The following XKR9 variants were observed in gnomAD, a reference collection of about 807,000 sequenced individuals.
XKR9 encodes the protein XK-related protein 9.
XKR9 carries 32 observed loss-of-function variants against 32.0 expected under a neutral mutation model. The ratio of observed to expected loss-of-function variants is 1.00; its 90% confidence interval spans 0.76 to 1.34. The LOEUF (loss-of-function observed/expected upper bound fraction) is 1.34, where lower values mean the gene tolerates loss of function less well. Among genes scored for constraint, XKR9 ranks in the 40% most tolerant of loss-of-function variants. The probability of loss-of-function intolerance (pLI) is 0.00; values close to 1 mark genes in which losing one functional copy is unlikely to be tolerated. For synonymous variants in XKR9, 168 were observed against 143.4 expected, an observed-to-expected ratio of 1.17 and a Z score of -1.22; for missense variants, 546 against 429.7, an observed-to-expected ratio of 1.27 and a Z score of -2.39.
At chr8:71,046,724 C>G in the XKR9 span, among the ~76,000 whole-genome samples, 2 of 152,104 alleles carry the variant, frequency 1.3e-5, no homozygotes, top group Non-Finnish European at 2.9e-5. Flanking sequence ...CTTAAGAGAT[C>G]GACTCCTCAG....
At chr8:70,929,494 C>T in the XKR9 span, among the ~76,000 whole-genome samples, 1 of 152,156 alleles carries the variant, frequency 6.6e-6, no homozygotes, top group Non-Finnish European at 1.5e-5. Context: ...CTGCTTAGAG[C>T]CTTACAAGAC....
At chr8:71,028,109 G>A in the XKR9 span, among the ~76,000 whole-genome samples, 1 of 152,134 alleles carries the variant, frequency 6.6e-6, no homozygotes, top group Non-Finnish European at 1.5e-5. Context: ...TAATGACATT[G>A]GAATTTTGAT....
chr8:70,708,204 T>C (rs982660453), intron 4 of XKR9, among the ~76,000 whole-genome samples: 15 of 152,182 alleles, frequency 9.9e-5, no homozygotes, highest in South Asian at 4.1e-4. Flanking sequence ...GATTGGGTTC[T>C]ATATGATACG....
the XKR9 span, among the ~76,000 whole-genome samples, chr8:71,050,006 G>A: frequency 6.6e-6 from 1 of 152,012 alleles, no homozygotes; most frequent in Admixed American, 6.6e-5. Flanking sequence ...TAAAACATGT[G>A]GGTGCTAGTT....
At chr8:70,689,659 TATACTGTGC>T (rs1398421826) in intron 3 of XKR9, among the ~76,000 whole-genome samples, 1 of 152,020 alleles carries the variant, frequency 6.6e-6, no homozygotes, top group Non-Finnish European at 1.5e-5. Flanking sequence ...GAGTTTGTAA[TATACTGTGC>T]AATGGCATAG....
intron 2 of XKR9, among the ~76,000 whole-genome samples, chr8:70,771,247 T>C (rs1227414731): frequency 1.3e-5 from 2 of 152,184 alleles, no homozygotes; most frequent in African/African-American, 4.8e-5. Flanking sequence ...CTACACTCAC[T>C]GCTTAACCAG....
chr8:70,787,447 G>A (rs534958599), intron 2 of XKR9, among the ~76,000 whole-genome samples: 2 of 152,176 alleles, frequency 1.3e-5, no homozygotes, highest in South Asian at 2.1e-4. Context: ...ATGGATAATG[G>A]CAAATGTTGG....
downstream of XKR9, among the ~76,000 whole-genome samples, chr8:70,736,205 T>C (rs1011515713): frequency 6.6e-6 from 1 of 152,234 alleles, no homozygotes; most frequent in African/African-American, 2.4e-5. Flanking sequence ...TGCATTTCTC[T>C]GATGGCCAGT....
the XKR9 span, among the ~76,000 whole-genome samples, chr8:70,861,493 A>G: frequency 2.6e-5 from 4 of 151,592 alleles, no homozygotes; most frequent in Non-Finnish European, 5.9e-5. Flanking sequence ...TCTATCAAAA[A>G]AAAAAAATTA....
chr8:70,701,035 C>T (rs934364095), intron 3 of XKR9, among the ~76,000 whole-genome samples: 31 of 152,170 alleles, frequency 2.0e-4, no homozygotes, highest in African/African-American at 4.8e-4. Flanking sequence ...TTAAGCCCCT[C>T]GGAAAAGCGC....
chr8:70,796,958 A>C, the XKR9 span, among the ~76,000 whole-genome samples: 163 of 152,228 alleles, frequency 1.1e-3, no homozygotes, highest in African/African-American at 3.8e-3. Flanking sequence ...CTTGTGAACA[A>C]AAAAAATTAC....
At chr8:70,874,529 A>T in the XKR9 span, among the ~76,000 whole-genome samples, 1 of 152,198 alleles carries the variant, frequency 6.6e-6, no homozygotes, top group Admixed American at 6.5e-5. Flanking sequence ...ATGAAAACAA[A>T]AGCTATGTGA....
At chr8:70,794,937 G>A (rs1807809951), downstream of XKR9, among the ~76,000 whole-genome samples, 1 of 151,774 alleles carries the variant, frequency 6.6e-6, no homozygotes, top group Non-Finnish European at 1.5e-5. Flanking sequence ...TTCTGGAAGA[G>A]TTTGTAAAGA....
chr8:70,726,601 T>A (rs1210369156), intron 4 of XKR9, among the ~76,000 whole-genome samples: 1 of 152,192 alleles, frequency 6.6e-6, no homozygotes, highest in Non-Finnish European at 1.5e-5. Context: ...GAAACATGGC[T>A]TTACCAGTAT....
At chr8:70,817,821 C>G in the XKR9 span, among the ~76,000 whole-genome samples, 5 of 152,106 alleles carry the variant, frequency 3.3e-5, no homozygotes, top group African/African-American at 9.7e-5. Context: ...CACCTACAAC[C>G]ACCTGATCTT....
At chr8:70,818,422 A>G in the XKR9 span, among the ~76,000 whole-genome samples, 1 of 152,144 alleles carries the variant, frequency 6.6e-6, no homozygotes, top group Non-Finnish European at 1.5e-5. Flanking sequence ...TTTATGGACT[A>G]TCTTTTGCTT....
intron 2 of XKR9, among the ~76,000 whole-genome samples, chr8:70,776,954 T>TATATGTATATATATATATATATAC (rs1807533371): frequency 9.0e-5 from 8 of 89,274 alleles, no homozygotes; most frequent in African/African-American, 2.7e-4. Flanking sequence ...TCTCTATATA[T>TATATGTATATATATATATATATAC]ATATATATAT....
the XKR9 span, among the ~76,000 whole-genome samples, chr8:70,878,972 A>G: frequency 6.6e-6 from 1 of 152,228 alleles, no homozygotes; most frequent in Non-Finnish European, 1.5e-5. Context: ...ACCACAGTAC[A>G]ATCAAACTAG....
chr8:70,799,012 G>A, the XKR9 span, among the ~76,000 whole-genome samples: 1 of 152,126 alleles, frequency 6.6e-6, no homozygotes, highest in African/African-American at 2.4e-5. Context: ...TTTTTGCTTA[G>A]GATTGCCTTG....
Sources: allele counts gnomAD v4.1 joint callset (sites outside exome capture counted in the v4.1 genomes callset), GRCh38; gene constraint gnomAD v4.1.1; transcripts MANE v1.5; gene names NCBI Gene and HGNC (gene_info 2026-07-23, HGNC 2026-07-21).